The following ATP2B4 variants were observed in gnomAD, a reference collection of about 807,000 sequenced individuals.
The protein encoded by ATP2B4 is ATPase plasma membrane Ca2+ transporting 4, also known as plasma membrane calcium-transporting ATPase 4.
ATP2B4 carries 39 observed loss-of-function variants against 110.3 expected under a neutral mutation model. The ratio of observed to expected loss-of-function variants is 0.35; its 90% confidence interval spans 0.27 to 0.46. ATP2B4 has a LOEUF of 0.46. Among genes scored for constraint, ATP2B4 ranks in the 20% least tolerant of loss-of-function variants. The pLI, the probability that ATP2B4 is intolerant of heterozygous loss-of-function variation, is 1.00. For missense variants in ATP2B4, 1,135 were observed against 1,530.9 expected, an observed-to-expected ratio of 0.74 and a Z score of 4.32; for synonymous variants, 538 against 571.7, an observed-to-expected ratio of 0.94 and a Z score of 0.84.
At position 203,709,027 on chromosome 1, in the gene ATP2B4, G is replaced by A. The variant is rs187749842; in HGVS notation, c.1558-274G>A. Among the ~76,000 whole-genome samples, 3 of 152,158 alleles carry A rather than the reference G, an allele frequency of 2.0e-5. No homozygotes were observed. In the East Asian group the frequency reaches 5.8e-4, roughly 30 times the overall value. The stretch of plus-strand genomic sequence containing the variant: ...CAAAAATTAGCTAGGCATGGTGGCA[G>A]GTACCTGTAGTCCCTGCTACTCAGG... On this transcript the variant is annotated intron_variant, in intron 10 of 20. Transcript: ENST00000357681.
chr1:203,723,457 T>TCTCTCTCTCTCTCTCTCC (rs1407579331), intron 18 of ATP2B4, among the ~76,000 whole-genome samples: 2 of 113,502 alleles, frequency 1.8e-5, no homozygotes, highest in Admixed American at 9.3e-5. Context: ...TCTCTCTCTC[T>TCTCTCTCTCTCTCTCTCC]CTCCCTCTGC....
chr1:203,646,176 C>G (rs1212294361), intron 1 of ATP2B4, among the ~76,000 whole-genome samples: 1 of 151,982 alleles, frequency 6.6e-6, no homozygotes, highest in African/African-American at 2.4e-5. Flanking sequence ...GACCTCATTC[C>G]CTCCTCATGA....
intron 4 of ATP2B4, 41 bp from the exon 5 acceptor site, chr1:203,700,165 A>C: frequency 1.9e-6 from 3 of 1,593,390 alleles, no homozygotes; most frequent in Non-Finnish European, 2.6e-6. Flanking sequence ...CCAGTCTCTT[A>C]CTATCTCCTT....
rs775881533 is a variant in ATP2B4 at position 203,712,025 on chromosome 1, C to T, written c.2097C>T (p.Asn699=). The T allele has an allele frequency of 8.7e-6, 14 of 1,614,074 alleles. No homozygotes were observed. The highest frequency in any genetic ancestry group is 2.2e-5 in the East Asian group (1 of 44,894). Residue 699 remains asparagine, a synonymous_variant, in exon 13 of 21, where the codon AAC becomes AAT. Coordinates refer to ENST00000357681, the MANE Select transcript of ATP2B4 (RefSeq NM_001684.5). ...CTGTCAGAATGGTGACAGGTGACAA[C>T]ATCAACACAGCCCGGGCCATTGCCA... ...GITVRMVTGD[N]INTARAIATK...
chr1:203,731,995 A>G (rs371124652), intron 20 of ATP2B4, among the ~76,000 whole-genome samples: 2 of 151,260 alleles, frequency 1.3e-5, no homozygotes, highest in African/African-American at 4.9e-5. Context: ...TGGCTAACAC[A>G]GTGAAACCCT....
Position 203,683,168 on chromosome 1 carries a change from A to G in ATP2B4, c.-38A>G, listed in dbSNP as rs1665065524. On this transcript the variant is annotated 5_prime_UTR_variant, in exon 2 of 21. Transcript: ENST00000357681. ...CTGGTCAGTTGAAGGGAAACGCTAC[A>G]TCTTCTCTGGTTGAGGGGCTTGGTA... 1 of 1,599,196 alleles carries G rather than the reference A, an allele frequency of 6.3e-7. No homozygotes were observed. Among genetic ancestry groups the G allele is most frequent in the Non-Finnish European group, 8.5e-7 (1 of 1,171,640 alleles).
intron 2 of ATP2B4, among the ~76,000 whole-genome samples, chr1:203,697,771 GC>G (rs1665575775): frequency 6.6e-6 from 1 of 152,164 alleles, no homozygotes; most frequent in Non-Finnish European, 1.5e-5. Context: ...CGTGATCACT[GC>G]TGCTCACTGC....
intron 1 of ATP2B4, among the ~76,000 whole-genome samples, chr1:203,647,099 T>C (rs1663824315): frequency 6.6e-6 from 1 of 151,778 alleles, no homozygotes; most frequent in Admixed American, 6.6e-5. Flanking sequence ...AATCCAATGA[T>C]AGCAGGCAAC....
At chr1:203,648,634 G>C (rs537972463) in intron 1 of ATP2B4, among the ~76,000 whole-genome samples, 6 of 152,330 alleles carry the variant, frequency 3.9e-5, no homozygotes, top group Non-Finnish European at 8.8e-5. Context: ...CCAGGGCCAG[G>C]ACATGGAGTC....
At chr1:203,670,441 A>G (rs1043411028) in intron 1 of ATP2B4, among the ~76,000 whole-genome samples, 10 of 152,184 alleles carry the variant, frequency 6.6e-5, no homozygotes, top group African/African-American at 2.4e-4. Context: ...GGCCTCCCAC[A>G]GTGTTGGGAT....
intron 1 of ATP2B4, among the ~76,000 whole-genome samples, chr1:203,640,431 C>T (rs979682676): frequency 6.6e-6 from 1 of 152,188 alleles, no homozygotes; most frequent in Admixed American, 6.5e-5. Context: ...GATTCTCCCA[C>T]CTCAGCCTCC....
intron 8 of ATP2B4, among the ~76,000 whole-genome samples, chr1:203,704,958 G>A (rs1396209901): frequency 1.3e-5 from 2 of 152,090 alleles, no homozygotes; most frequent in Non-Finnish European, 2.9e-5. Flanking sequence ...TTCCTAATAA[G>A]CCCCCACAGG....
At position 203,709,537 on chromosome 1, in the gene ATP2B4, G is replaced by A. The variant is rs1322195388; in HGVS notation, c.1794G>A (p.Leu598=). 2.5e-6 allele frequency: 4 copies of A among 1,614,154 alleles called. No homozygotes were observed. The Admixed American group carries it at 6.7e-5, about 27-fold the overall frequency. ...MYSKGASEII[L]RKCNRILDRK... Reference sequence around the variant, plus strand: ...GCAAGGGCGCCTCTGAGATCATCTTGCGCAAGTGAGCACCCCCGACCACTC... The same window carrying A: ...GCAAGGGCGCCTCTGAGATCATCTTACGCAAGTGAGCACCCCCGACCACTC... The change falls in exon 11 of 21, where the codon TTG becomes TTA. Residue 598 remains leucine (L), a synonymous_variant. Coordinates refer to ENST00000357681, the MANE Select transcript of ATP2B4 (RefSeq NM_001684.5).
intron 19 of ATP2B4, among the ~76,000 whole-genome samples, chr1:203,724,868 T>C (rs976629506): frequency 0.22 from 25,281 of 112,950 alleles, 4,180 homozygotes; most frequent in Admixed American, 0.32. Flanking sequence ...CAGCTCTCTG[T>C]TTTTTTTTTT....
rs1053366378 is a variant in ATP2B4, at chr1:203,727,693, G to A, written c.3309+122G>A. On this transcript the variant is annotated intron_variant, in intron 20 of 20. Transcript: ENST00000357681. Reference sequence around the variant, plus strand: ...CCCTTCCAAAGGCTCACTACTGATGGGCAGCCCTAGATCCTCAGCTTCAGG... The same window carrying A: ...CCCTTCCAAAGGCTCACTACTGATGAGCAGCCCTAGATCCTCAGCTTCAGG... The A allele has an allele frequency of 4.4e-5, 54 of 1,218,872 alleles. 1 individual carries two copies. The Admixed American group carries it at 1.3e-3, about 29-fold the overall frequency. The allele number at this position is 1,218,872 out of a possible 1,614,324, so 75.5% of individuals were successfully genotyped here.
At chr1:203,631,890 G>A (rs1268371072) in intron 1 of ATP2B4, among the ~76,000 whole-genome samples, 1 of 152,134 alleles carries the variant, frequency 6.6e-6, no homozygotes, top group East Asian at 1.9e-4. Context: ...TGCCTTCCGG[G>A]TTCAAGCAAT....
Position 203,711,009 on chromosome 1 carries a change from C to T in ATP2B4, c.1932C>T (p.Asp644=), listed in dbSNP as rs1665992674. 6.2e-7 allele frequency: 1 copy of T among 1,613,982 alleles called. No homozygotes were observed. Among genetic ancestry groups the T allele is most frequent in the Non-Finnish European group, 8.5e-7 (1 of 1,180,022 alleles). The change falls in exon 12 of 21, where the codon GAC becomes GAT. Residue 644 remains aspartate, a synonymous_variant. Transcript: ENST00000357681. ...GGACTATCTGCATAGCTTACCGGGA[C>T]TTCGATGACACAGAGCCCTCTTGGG... is the stretch of plus-strand genomic sequence containing the variant. ...GLRTICIAYR[D]FDDTEPSWDN...
chr1:203,715,693 C>G (rs558398867), intron 15 of ATP2B4, among the ~76,000 whole-genome samples: 1 of 144,558 alleles, frequency 6.9e-6, no homozygotes, highest in Admixed American at 6.9e-5. Flanking sequence ...AGAACAAAAT[C>G]GATGCTTCCT....
intron 20 of ATP2B4, among the ~76,000 whole-genome samples, chr1:203,732,330 C>T (rs1286135193): frequency 2.0e-5 from 3 of 152,128 alleles, no homozygotes; most frequent in Non-Finnish European, 4.4e-5. Flanking sequence ...GTCTAATTGC[C>T]GAGTTACTGT....
Sources: gnomAD v4.1 joint callset for allele counts (sites outside exome capture counted in the v4.1 genomes callset) on GRCh38, gnomAD v4.1.1 for gene constraint, MANE v1.5 for transcripts, NCBI Gene and HGNC (gene_info 2026-07-23, HGNC 2026-07-21) for gene names.